FHIT: variants seen among roughly 807,000 people sequenced by gnomAD.
FHIT encodes the protein fragile histidine triad diadenosine triphosphatase.
FHIT carries 19 observed loss-of-function variants against 17.9 expected under a neutral mutation model. The observed-to-expected ratio is 1.06, with a 90% CI of 0.74 to 1.56. FHIT has a LOEUF of 1.56. Among genes scored for constraint, FHIT ranks in the 40% most tolerant of loss-of-function variants. FHIT has a pLI of 0.00. For synonymous variants in FHIT, 81 were observed against 69.7 expected, an observed-to-expected ratio of 1.16 and a Z score of -0.81; for missense variants, 248 against 189.2, an observed-to-expected ratio of 1.31 and a Z score of -1.82.
Position 59,982,670 on chromosome 3 carries a change from G to C in FHIT, c.279+28701C>G, listed in dbSNP as rs76975953. Among the ~76,000 whole-genome samples the C allele has an allele frequency of 5.5e-3, 835 of 152,274 alleles. 11 individuals carry two copies. Among genetic ancestry groups the C allele is most frequent in the African/African-American group, 0.019 (784 of 41,554 alleles). On this transcript the variant is annotated intron_variant, in intron 7 of 9. Transcript: ENST00000492590. ...CAGAAAGGGATGAAGTTCTGAGCTA[G>C]GTTAAGTGCTTGTGGCTAACTACAA...
intron 4 of FHIT, among the ~76,000 whole-genome samples, chr3:60,669,879 C>T (rs2040471301): frequency 6.6e-6 from 1 of 152,168 alleles, no homozygotes; most frequent in Admixed American, 6.5e-5. Context: ...CAGCATTAGG[C>T]AGGAAAACAA....
chr3:60,375,110 A>C (rs1167729972), intron 5 of FHIT, among the ~76,000 whole-genome samples: 1 of 151,940 alleles, frequency 6.6e-6, no homozygotes, highest in Non-Finnish European at 1.5e-5. Context: ...TTTTGAAAAA[A>C]AAAAAACAAA....
chr3:60,130,778 G>GTATGTGTATATACACACATA (rs1401102205), intron 5 of FHIT, among the ~76,000 whole-genome samples: 3 of 1,826 alleles, frequency 1.6e-3, no homozygotes, highest in African/African-American at 9.7e-3. Flanking sequence ...GTGTGTGTGT[G>GTATGTGTATATACACACATA]TGTGTGGTGT....
intron 4 of FHIT, among the ~76,000 whole-genome samples, chr3:60,611,203 G>A (rs1576967987): frequency 6.6e-6 from 1 of 152,166 alleles, no homozygotes; most frequent in African/African-American, 2.4e-5. Flanking sequence ...CCAAGCATGG[G>A]CTAGAAACCT....
intron 4 of FHIT, among the ~76,000 whole-genome samples, chr3:60,695,827 A>G (rs1553700505): frequency 1.3e-5 from 2 of 152,236 alleles, no homozygotes; most frequent in African/African-American, 4.8e-5. Flanking sequence ...ACAAAATGGA[A>G]GTAATAATAA....
rs75897247 is a variant in FHIT, at chr3:59,921,944, G to A, written c.348+402C>T. On this transcript the variant is annotated intron_variant, in intron 8 of 9. Transcript: ENST00000492590. ...AATGCTGTTGGGAAAGACAAGCTGA[G>A]TTCCAAAGTGTTTTAAAAATTAAGT... Among the ~76,000 whole-genome samples, 1,431 of 152,280 alleles carry A rather than the reference G, an allele frequency of 9.4e-3. 28 individuals are homozygous for A. Among genetic ancestry groups the A allele is most frequent in the African/African-American group, 0.032 (1,346 of 41,560 alleles).
chr3:60,534,672 G>A (rs1272807132), intron 5 of FHIT, among the ~76,000 whole-genome samples: 1 of 151,950 alleles, frequency 6.6e-6, no homozygotes, highest in Non-Finnish European at 1.5e-5. Flanking sequence ...AGAGAGGGTT[G>A]GATCCTTCTT....
intron 4 of FHIT, among the ~76,000 whole-genome samples, chr3:60,795,521 TAAGA>T: frequency 6.6e-6 from 1 of 151,814 alleles, no homozygotes; most frequent in Non-Finnish European, 1.5e-5. Context: ...TTTTTTTTTT[TAAGA>T]CAGGGTCTTA....
chr3:59,782,264 T>A (rs1702625051), intron 8 of FHIT, among the ~76,000 whole-genome samples: 1 of 151,998 alleles, frequency 6.6e-6, no homozygotes, highest in Admixed American at 6.5e-5. Context: ...ATCAATTTTG[T>A]CTAATCAGAG....
intron 4 of FHIT, among the ~76,000 whole-genome samples, chr3:60,668,624 C>A (rs1305352291): frequency 7.2e-5 from 10 of 138,426 alleles, no homozygotes; most frequent in African/African-American, 2.7e-5. Flanking sequence ...TGCAGTGGCA[C>A]GATCGCTTCT....
At chr3:60,081,054 G>T (rs781781135) in intron 5 of FHIT, among the ~76,000 whole-genome samples, 8 of 152,064 alleles carry the variant, frequency 5.3e-5, no homozygotes, top group Non-Finnish European at 1.0e-4. Flanking sequence ...CCAGGCAAGA[G>T]AAAGCAAAGA....
At chr3:60,235,463 C>T (rs1426411948) in intron 5 of FHIT, among the ~76,000 whole-genome samples, 1 of 152,094 alleles carries the variant, frequency 6.6e-6, no homozygotes, top group Admixed American at 6.5e-5. Flanking sequence ...AACTCCTGAC[C>T]TCGTGATCTG....
In FHIT at chr3:60,989,269, C is replaced by T. The variant is rs144221061; in HGVS notation, c.-111+52778G>A. Among the ~76,000 whole-genome samples, 66 of 152,186 alleles carry T rather than the reference C, an allele frequency of 4.3e-4. 1 individual carries two copies. The South Asian group carries it at 0.011, about 25-fold the overall frequency. ...GGATCAAGTGATTCTCCTGTCGCAG[C>T]CTCTCAAGTATCTGAGACCACAGGT... On this transcript the variant is annotated intron_variant, in intron 3 of 9. Transcript: ENST00000492590.
chr3:60,031,482 A>C (rs1050710102), intron 5 of FHIT, among the ~76,000 whole-genome samples: 1 of 152,226 alleles, frequency 6.6e-6, no homozygotes, highest in African/African-American at 2.4e-5. Flanking sequence ...AGTGACTCAG[A>C]TCTGGATTCC....
chr3:60,055,340 C>A (rs976096730), intron 5 of FHIT, among the ~76,000 whole-genome samples: 2 of 152,126 alleles, frequency 1.3e-5, no homozygotes, highest in Admixed American at 6.5e-5. Context: ...CTGTCAAACA[C>A]TGTCCTACAT....
intron 2 of FHIT, among the ~76,000 whole-genome samples, chr3:61,092,504 T>A (rs903510787): frequency 5.2e-4 from 77 of 148,594 alleles, no homozygotes; most frequent in East Asian, 4.8e-3. Flanking sequence ...CCCTTAAAAA[T>A]ATATATATAT....
chr3:59,990,480 C>T (rs1041314351), intron 7 of FHIT, among the ~76,000 whole-genome samples: 1 of 152,026 alleles, frequency 6.6e-6, no homozygotes, highest in Admixed American at 6.6e-5. Flanking sequence ...CATTTCAAAT[C>T]ATATGGAAGC....
At chr3:60,898,042 G>A (rs1057257412) in intron 3 of FHIT, among the ~76,000 whole-genome samples, 2 of 152,088 alleles carry the variant, frequency 1.3e-5, no homozygotes, top group African/African-American at 4.8e-5. Context: ...TGTTGGAACT[G>A]TTAATATTTT....
intron 5 of FHIT, among the ~76,000 whole-genome samples, chr3:60,290,909 G>C (rs975729009): frequency 1.3e-5 from 2 of 152,164 alleles, no homozygotes; most frequent in African/African-American, 4.8e-5. Context: ...TCTGATCCAG[G>C]CAGCTCATGG....
Sources: gnomAD v4.1 joint callset for allele counts (sites outside exome capture counted in the v4.1 genomes callset) on GRCh38, gnomAD v4.1.1 for gene constraint, MANE v1.5 for transcripts, NCBI Gene and HGNC (gene_info 2026-07-23, HGNC 2026-07-21) for gene names.